Variants in USP28 observed in about 807,000 individuals in gnomAD.
The protein encoded by USP28 is ubiquitin specific peptidase 28, also known as ubiquitin carboxyl-terminal hydrolase 28.
In USP28, 113 loss-of-function variants were observed where a neutral mutation model predicts 145.0. That is an observed-to-expected ratio of 0.78 (90% CI 0.67 to 0.91). USP28 has a LOEUF of 0.91. Among genes scored for constraint, USP28 ranks in the 40% least tolerant of loss-of-function variants. The pLI is 0.00. For synonymous variants in USP28, 447 were observed against 450.9 expected, an observed-to-expected ratio of 0.99 and a Z score of 0.11; for missense variants, 1,201 against 1,289.6, an observed-to-expected ratio of 0.93 and a Z score of 1.05.
At chr11:113,857,363 A>G (rs761421835) in intron 1 of USP28, among the ~76,000 whole-genome samples, 1 of 152,206 alleles carries the variant, frequency 6.6e-6, no homozygotes, top group African/African-American at 2.4e-5. Context: ...CATTCCTCCA[A>G]AGGTAAATAT....
At position 113,834,223 on chromosome 11, in the gene USP28, G is replaced by A. The variant is rs772584215; in HGVS notation, c.621+26C>T. 1.9e-6 allele frequency: 3 copies of A among 1,580,356 alleles called. No homozygotes were observed. The Admixed American group carries it at 5.1e-5, about 27-fold the overall frequency. ...GGGATGAAAGGGACTAAACAACAGT[G>A]AAGAAATTCCTTGACACCAACTTAC... On this transcript the variant is annotated intron_variant, in intron 6 of 24. Transcript: ENST00000003302.
At chr11:113,833,709 G>A in intron 6 of USP28, 152 bp from the exon 7 acceptor site, 1 of 684,014 alleles carries the variant, frequency 1.5e-6, no homozygotes, top group Non-Finnish European at 2.4e-6. Context: ...CAGGGACTCT[G>A]GTAAGGACTG....
intron 3 of USP28, among the ~76,000 whole-genome samples, chr11:113,844,241 C>A (rs972895389): frequency 2.0e-5 from 3 of 151,912 alleles, no homozygotes; most frequent in African/African-American, 7.3e-5. Flanking sequence ...GAGTTCGAGA[C>A]CAGCCTGATA....
At chr11:113,863,519 C>T (rs1442551717) in intron 1 of USP28, among the ~76,000 whole-genome samples, 2 of 151,938 alleles carry the variant, frequency 1.3e-5, no homozygotes, top group Non-Finnish European at 2.9e-5. Context: ...GTGGCGCGTG[C>T]CTGTAGTCCC....
rs1208130514 is a variant in USP28, at chr11:113,806,470, AT to A, written c.2400+18del. 1 of 1,597,666 alleles carries A rather than the reference AT, an allele frequency of 6.3e-7. No individual in the cohort carries two copies. Among genetic ancestry groups the A allele is most frequent in the East Asian group, 2.2e-5 (1 of 44,600 alleles). On this transcript the variant is annotated intron_variant, in intron 19 of 24. Transcript: ENST00000003302. ...TGATGCCTATATTGTAAGAATTAGA[AT>A]TTTAAAAACAGAGATACCTTAATCA...
intron 8 of USP28, 147 bp from the exon 9 acceptor site, chr11:113,831,090 C>G (rs1453509453): frequency 1.4e-6 from 1 of 702,384 alleles, no homozygotes; most frequent in Non-Finnish European, 2.5e-6. Context: ...ACAATTAGTT[C>G]AGTTCAAATA....
At chr11:113,838,015 A>G (rs1944761465) in intron 5 of USP28, among the ~76,000 whole-genome samples, 2 of 151,934 alleles carry the variant, frequency 1.3e-5, no homozygotes, top group South Asian at 4.2e-4. Context: ...AAGACTAGAC[A>G]CTACTTCAAC....
chr11:113,804,965 CATGCT>C lies in USP28; in HGVS notation c.2477_2481del (p.Gln826ArgfsTer9). 1 of 1,614,140 alleles carries C rather than the reference CATGCT, an allele frequency of 6.2e-7. No individual in the cohort carries two copies. Among genetic ancestry groups the C allele is most frequent in the Non-Finnish European group, 8.5e-7 (1 of 1,180,020 alleles). On this transcript the variant is annotated frameshift_variant, in exon 20 of 25. Coordinates refer to ENST00000003302, the Ensembl canonical transcript of USP28. LOFTEE classifies it high-confidence loss of function. ...TCATTTTGGAAAAAGTAGACAAGGA[CATGCT>C]GAAGTCGAGGATCACTGTGAGAGGT...
intron 14 of USP28, among the ~76,000 whole-genome samples, chr11:113,814,752 A>G (rs1336023272): frequency 6.6e-6 from 1 of 152,128 alleles, no homozygotes; most frequent in African/African-American, 2.4e-5. Context: ...TACCATGTCA[A>G]AATTCAAAAG....
At chr11:113,867,361 G>A (rs1948377671) in intron 1 of USP28, among the ~76,000 whole-genome samples, 1 of 151,932 alleles carries the variant, frequency 6.6e-6, no homozygotes, top group African/African-American at 2.4e-5. Context: ...CTGCCTCCCG[G>A]GTTCAAGTGA....
Position 113,803,410 on chromosome 11 carries a change from T to C in USP28, c.2739-129A>G, listed in dbSNP as rs1026763519. 1.4e-5 allele frequency: 15 copies of C among 1,065,512 alleles called. No homozygotes were observed. In the African/African-American group the frequency reaches 1.6e-4, roughly 11 times the overall value. The allele number at this position is 1,065,512 out of a possible 1,614,324, so 66.0% of individuals were successfully genotyped here. On this transcript the variant is annotated intron_variant, in intron 22 of 24. Coordinates refer to ENST00000003302, the Ensembl canonical transcript of USP28. ...TGAAAAAGTGAAGGACCAAAGACCG[T>C]AGCCAGTCTCATCTCTTCTACAAAT...
At chr11:113,820,115 C>T (rs142448443) in intron 12 of USP28, among the ~76,000 whole-genome samples, 28 of 152,308 alleles carry the variant, frequency 1.8e-4, no homozygotes, top group African/African-American at 6.5e-4. Flanking sequence ...CAACCTCCAG[C>T]ATAAATGAGT....
chr11:113,852,857 CA>C (rs1290310644), intron 2 of USP28, among the ~76,000 whole-genome samples: 1 of 152,018 alleles, frequency 6.6e-6, no homozygotes, highest in Non-Finnish European at 1.5e-5. Flanking sequence ...CCACAACACC[CA>C]AACAAAAGTG....
chr11:113,853,419 A>G (rs1361176817), intron 2 of USP28, among the ~76,000 whole-genome samples: 1 of 152,148 alleles, frequency 6.6e-6, no homozygotes, highest in South Asian at 2.1e-4. Flanking sequence ...AGGAAAGGGA[A>G]TAACAGAACC....
intron 2 of USP28, among the ~76,000 whole-genome samples, chr11:113,853,083 G>A (rs1324052197): frequency 1.3e-5 from 2 of 151,942 alleles, no homozygotes; most frequent in Admixed American, 6.6e-5. Context: ...CGGGCAGATC[G>A]CTTGAGCCCA....
At chr11:113,824,122 T>G (rs1478372522) in intron 11 of USP28, among the ~76,000 whole-genome samples, 2 of 151,986 alleles carry the variant, frequency 1.3e-5, no homozygotes, top group Admixed American at 6.6e-5. Flanking sequence ...AAAAATCAAC[T>G]GCAATTCTAT....
intron 16 of USP28, 28 bp from the exon 17 acceptor site, chr11:113,809,282 A>G: frequency 6.3e-7 from 1 of 1,599,414 alleles, no homozygotes; most frequent in Middle Eastern, 1.7e-4. Flanking sequence ...TAGAGTTAAA[A>G]GGTCACAAGG....
chr11:113,832,451 G>A (rs1944108661), intron 7 of USP28, among the ~76,000 whole-genome samples: 1 of 152,044 alleles, frequency 6.6e-6, no homozygotes, highest in Non-Finnish European at 1.5e-5. Context: ...TGAAAACATA[G>A]GAACACTGAA....
At chr11:113,874,819 C>G (rs1949209373) in intron 1 of USP28, 1 of 1,059,506 alleles carries the variant, frequency 9.4e-7, no homozygotes, top group Non-Finnish European at 1.1e-6. Context: ...ACATTGGGAA[C>G]AGGAGATCAT....
Sources: gnomAD v4.1 joint callset for allele counts (sites outside exome capture counted in the v4.1 genomes callset) on GRCh38, gnomAD v4.1.1 for gene constraint, MANE v1.5 for transcripts, NCBI Gene and HGNC (gene_info 2026-07-23, HGNC 2026-07-21) for gene names.